Variants in CTNNA3 observed in about 807,000 individuals in gnomAD.
CTNNA3 encodes catenin alpha 3.
A neutral mutation model predicts 95.7 loss-of-function variants in CTNNA3; 76 were observed. The observed-to-expected ratio is 0.79, with a 90% confidence interval of 0.66 to 0.96. The LOEUF is 0.96. Ranked by LOEUF, CTNNA3 falls within the 40% of genes least tolerant of loss-of-function variation. The probability of loss-of-function intolerance (pLI) is 0.00; values close to 1 mark genes in which losing one functional copy is unlikely to be tolerated. For synonymous variants in CTNNA3, 431 were observed against 374.4 expected (o/e 1.15, Z -1.74); for missense variants, 1,191 against 1,089.8 (o/e 1.09, Z -1.31).
chr10:66,400,669 G>A lies in CTNNA3; in HGVS notation c.1532-21317C>T, dbSNP rs181201050. ...TGGTAGCTTTATCCCTCTCTTCCCT[G>A]CTATAATATAAACTTGTCTCATCAA... On this transcript the variant is annotated intron_variant, in intron 11 of 17. Coordinates refer to ENST00000433211, the MANE Select transcript of CTNNA3 (RefSeq NM_013266.4). Among the ~76,000 whole-genome samples the A allele has an allele frequency of 1.2e-4, 18 of 152,040 alleles. No homozygotes were observed. The East Asian group carries it at 3.5e-3, about 29-fold the overall frequency.
chr10:66,852,897 T>G lies in CTNNA3; in HGVS notation c.1048-77373A>C, dbSNP rs527714058. ...TTTAACTCCTCATCCCTTGTAACAT[T>G]TCAAAAATTCACCACTAGTCATAAT... On this transcript the variant is annotated intron_variant, in intron 7 of 17. Transcript: ENST00000433211. Among the ~76,000 whole-genome samples, 3 of 152,248 alleles carry G rather than the reference T, an allele frequency of 2.0e-5. No individual in the cohort carries two copies. In the East Asian group the frequency reaches 5.8e-4, roughly 29 times the overall value.
At chr10:66,026,794 A>T (rs2079349171) in intron 15 of CTNNA3, among the ~76,000 whole-genome samples, 1 of 152,166 alleles carries the variant, frequency 6.6e-6, no homozygotes, top group African/African-American at 2.4e-5. Context: ...CGCACAATAA[A>T]TGAGAAGATA....
intron 12 of CTNNA3, among the ~76,000 whole-genome samples, chr10:66,368,229 T>A (rs776981893): frequency 1.1e-4 from 17 of 152,172 alleles, no homozygotes; most frequent in Non-Finnish European, 1.9e-4. Flanking sequence ...AATTTTCTCA[T>A]GAACATGAAG....
intron 5 of CTNNA3, among the ~76,000 whole-genome samples, chr10:67,390,040 G>T (rs549632845): frequency 7.2e-5 from 11 of 151,900 alleles, no homozygotes; most frequent in Non-Finnish European, 1.5e-4. Flanking sequence ...CTAGCAGAAG[G>T]CAAGAAATAA....
chr10:67,093,065 T>G (rs1488711875), intron 7 of CTNNA3, among the ~76,000 whole-genome samples: 1 of 151,926 alleles, frequency 6.6e-6, no homozygotes, highest in Non-Finnish European at 1.5e-5. Flanking sequence ...TTTAGAGGAT[T>G]AAAAGAAACC....
chr10:66,822,084 A>G lies in CTNNA3; in HGVS notation c.1048-46560T>C, dbSNP rs1842321913. ...ATATAATTATGTTATATAAAATTAC[A>G]TATATTATATGTAAAATTTATGCAT... On this transcript the variant is annotated intron_variant, in intron 7 of 17. Coordinates refer to ENST00000433211, the MANE Select transcript of CTNNA3 (RefSeq NM_013266.4). 2.1e-5 allele frequency among the ~76,000 whole-genome samples: 3 copies of G among 144,562 alleles called. No homozygotes were observed. In the Admixed American group the frequency reaches 2.2e-4, roughly 10 times the overall value. 94.8% of individuals were successfully genotyped at this position (144,562 alleles called of 152,430 possible). A position where few individuals can be genotyped will look rare whatever the true frequency, so the allele number is the denominator to read the frequency against.
chr10:67,053,998 C>T (rs748264253), intron 7 of CTNNA3, among the ~76,000 whole-genome samples: 1 of 152,140 alleles, frequency 6.6e-6, no homozygotes, highest in South Asian at 2.1e-4. Context: ...CCCTCCCCTA[C>T]ACGATATCTC....
At chr10:67,702,484 G>C (rs536691568) in intron 1 of CTNNA3, among the ~76,000 whole-genome samples, 5 of 152,086 alleles carry the variant, frequency 3.3e-5, no homozygotes, top group Admixed American at 2.0e-4. Context: ...ATTCAAAACC[G>C]CTCAACTACA....
chr10:66,721,867 C>A (rs1219759522), intron 9 of CTNNA3, among the ~76,000 whole-genome samples: 1 of 152,062 alleles, frequency 6.6e-6, no homozygotes, highest in Non-Finnish European at 1.5e-5. Context: ...GCTGTCATAC[C>A]CATTTTACAG....
At chr10:66,014,338 A>G (rs892378682) in intron 15 of CTNNA3, among the ~76,000 whole-genome samples, 4 of 146,264 alleles carry the variant, frequency 2.7e-5, no homozygotes, top group African/African-American at 7.3e-5. Flanking sequence ...AGTAGCTTCA[A>G]TGGGTGCCAT....
At chr10:67,030,505 A>C (rs114731327) in intron 7 of CTNNA3, among the ~76,000 whole-genome samples, 4,559 of 152,140 alleles carry the variant, frequency 0.03, 248 homozygotes, top group African/African-American at 0.1. Flanking sequence ...AAAATATATA[A>C]ATACATAAAT....
At chr10:67,563,725 A>G (rs1841632589) in intron 3 of CTNNA3, among the ~76,000 whole-genome samples, 1 of 152,066 alleles carries the variant, frequency 6.6e-6, no homozygotes, top group Non-Finnish European at 1.5e-5. Flanking sequence ...ATGGGAGAAA[A>G]TTTTTTCAAT....
intron 13 of CTNNA3, among the ~76,000 whole-genome samples, chr10:66,250,552 A>C (rs1339963633): frequency 6.6e-6 from 1 of 152,128 alleles, no homozygotes; most frequent in African/African-American, 2.4e-5. Context: ...AATCACACCT[A>C]CTATGTACTC....
chr10:66,482,781 T>C (rs1337420502), intron 11 of CTNNA3, among the ~76,000 whole-genome samples: 3 of 152,292 alleles, frequency 2.0e-5, no homozygotes, highest in South Asian at 2.1e-4. Context: ...AAATTGTAAA[T>C]AAATTAGTAG....
At chr10:66,257,408 C>T (rs1473810575) in intron 13 of CTNNA3, among the ~76,000 whole-genome samples, 5 of 152,222 alleles carry the variant, frequency 3.3e-5, no homozygotes, top group African/African-American at 1.2e-4. Context: ...TTCCTCATTC[C>T]TTTTAGTCGT....
At chr10:66,214,587 T>C (rs1298361561) in intron 13 of CTNNA3, among the ~76,000 whole-genome samples, 5 of 152,058 alleles carry the variant, frequency 3.3e-5, no homozygotes, top group African/African-American at 1.2e-4. Flanking sequence ...AGCTTCTGAT[T>C]TTCTACATAA....
intron 7 of CTNNA3, among the ~76,000 whole-genome samples, chr10:66,851,319 C>T (rs930469612): frequency 6.6e-6 from 1 of 152,170 alleles, no homozygotes; most frequent in Non-Finnish European, 1.5e-5. Context: ...TTTGAAATCA[C>T]AGCTGTTACT....
chr10:67,359,774 T>C (rs977090148), intron 5 of CTNNA3, among the ~76,000 whole-genome samples: 2 of 152,082 alleles, frequency 1.3e-5, no homozygotes, highest in African/African-American at 2.4e-5. Context: ...CTTTGAAACA[T>C]ATTTGAGTAC....
intron 12 of CTNNA3, among the ~76,000 whole-genome samples, chr10:66,286,524 A>C (rs985191167): frequency 4.6e-5 from 7 of 152,110 alleles, no homozygotes; most frequent in African/African-American, 1.2e-4. Flanking sequence ...AAGTTAAAGA[A>C]AAATAGAAAG....
Sources: allele counts gnomAD v4.1 joint callset (sites outside exome capture counted in the v4.1 genomes callset), GRCh38; gene constraint gnomAD v4.1.1; transcripts MANE v1.5; gene names NCBI Gene and HGNC (gene_info 2026-07-23, HGNC 2026-07-21).